Variants in MBTPS2 observed in about 807,000 individuals in gnomAD.
MBTPS2 encodes membrane bound transcription factor peptidase, site 2.
MBTPS2 carries 2 observed loss-of-function variants against 35.4 expected under a neutral mutation model. The ratio of observed to expected loss-of-function variants is 0.06; its 90% confidence interval spans 0.02 to 0.18. The LOEUF (loss-of-function observed/expected upper bound fraction) is 0.18. Among genes scored for constraint, MBTPS2 ranks in the 10% least tolerant of loss-of-function variants. The probability of loss-of-function intolerance (pLI) is 1.00; values close to 1 mark genes in which losing one functional copy is unlikely to be tolerated. For synonymous variants in MBTPS2, 125 were observed against 140.4 expected (o/e 0.89, Z 0.77); for missense variants, 244 against 386.5 (o/e 0.63, Z 3.09).
Position 21,885,302 on chromosome X carries a change from T to A in MBTPS2, c.*2647T>A. The A allele has an allele frequency of 2.7e-6, 2 of 752,650 alleles. No homozygotes were observed. Among genetic ancestry groups the A allele is most frequent in the Non-Finnish European group, 3.1e-6 (2 of 637,704 alleles). 62.0% of individuals were successfully genotyped at this position (752,650 alleles called of 1,213,427 possible). ...CATACTAATGGTGCACAGGTGTTTTTTTCTATAAATCTTCTGACTGTCCTG... is the reference window on the plus strand; with the variant it reads ...CATACTAATGGTGCACAGGTGTTTTATTCTATAAATCTTCTGACTGTCCTG... On this transcript the variant is annotated 3_prime_UTR_variant, in exon 11 of 11. Coordinates refer to ENST00000379484, the MANE Select transcript of MBTPS2 (RefSeq NM_015884.4).
chrX:21,843,302 A>G lies in MBTPS2; in HGVS notation c.208A>G (p.Arg70Gly). The G allele has an allele frequency of 1.7e-6, 2 of 1,211,276 alleles. No homozygotes were observed. Among genetic ancestry groups the G allele is most frequent in the South Asian group, 1.8e-5 (1 of 56,987 alleles). The change falls in exon 2 of 11, where the codon AGG becomes GGG. Residue 70 changes from arginine (R) to glycine (G), a missense_variant. Physicochemically the swap from Arg to Gly is moderately radical, Grantham distance 125. Transcript: ENST00000379484. ...AFYSWGRRKA[R>G]MLYQWFNFGM... ...TTACAGTTGGGGACGGCGGAAAGCA[A>G]GGATGCTTTACCAATGGTATTCTTC...
intron 3 of MBTPS2, among the ~76,000 whole-genome samples, chrX:21,847,006 G>A (rs2092909357): frequency 9.0e-6 from 1 of 111,430 alleles, no homozygotes; most frequent in South Asian, 3.8e-4. Flanking sequence ...CTTTTGGAGT[G>A]GAATTCTCAG....
intron 7 of MBTPS2, chrX:21,870,738 T>C (rs1346541055): frequency 8.9e-6 from 1 of 112,272 alleles, no homozygotes; most frequent in Non-Finnish European, 1.9e-5. Flanking sequence ...AAGTCAGATA[T>C]GTTGCTCTGT....
intron 5 of MBTPS2, among the ~76,000 whole-genome samples, chrX:21,853,834 A>G (rs1039206623): frequency 2.0e-4 from 22 of 111,739 alleles, no homozygotes; most frequent in African/African-American, 7.2e-4. Context: ...AATATGAAGA[A>G]TTGACTAAGA....
chrX:21,847,757 A>G (rs1886653725), intron 3 of MBTPS2, among the ~76,000 whole-genome samples: 1 of 112,158 alleles, frequency 8.9e-6, no homozygotes. Context: ...TTAAGTATGT[A>G]AATTTAGAGA....
chrX:21,868,590 A>G lies in MBTPS2; in HGVS notation c.789+5A>G, dbSNP rs1295433814. 2.7e-6 allele frequency: 3 copies of G among 1,106,805 alleles called. No individual in the cohort carries two copies. Among genetic ancestry groups the G allele is most frequent in the East Asian group, 6.0e-5 (2 of 33,386 alleles). The allele number at this position is 1,106,805 out of a possible 1,213,427, so 91.2% of individuals were successfully genotyped here. A position where few individuals can be genotyped will look rare whatever the true frequency, so the allele number is the denominator to read the frequency against. ...CTCATCACTGAAGTTGCTGAGGTAA[A>G]TAATGGATTACTCAGGGCATTCTTT... On this transcript the variant is annotated splice_donor_5th_base_variant and intron_variant, in intron 6 of 10. Coordinates refer to ENST00000379484, the MANE Select transcript of MBTPS2 (RefSeq NM_015884.4).
Position 21,850,795 on chromosome X carries a change from A to G in MBTPS2, c.439-714A>G, listed in dbSNP as rs1288732057. On this transcript the variant is annotated intron_variant, in intron 3 of 10. Coordinates refer to ENST00000379484, the MANE Select transcript of MBTPS2 (RefSeq NM_015884.4). ...ATGATTGTAAGACAACTCCTGCTTC[A>G]TATGTTTGTAACATGTCTGTAGGTT... is the stretch of plus-strand genomic sequence containing the variant. Among the ~76,000 whole-genome samples the G allele has an allele frequency of 1.3e-4, 14 of 111,946 alleles. No individual in the cohort carries two copies. The East Asian group carries it at 3.4e-3, about 27-fold the overall frequency.
intron 5 of MBTPS2, among the ~76,000 whole-genome samples, chrX:21,867,496 G>A (rs2092941581): frequency 9.0e-6 from 1 of 110,711 alleles, no homozygotes; most frequent in Admixed American, 9.6e-5. Context: ...CAAAAAGAGT[G>A]ATTACTTACA....
rs1195836787 is a variant in MBTPS2, at chrX:21,882,464, A to G, written c.1369A>G (p.Ile457Val). 1.7e-6 allele frequency: 2 copies of G among 1,209,935 alleles called. No individual in the cohort carries two copies. Among genetic ancestry groups the G allele is most frequent in the African/African-American group, 1.7e-5 (1 of 57,294 alleles). Reference sequence around the variant, plus strand: ...GATTTCCCTCTCAGGAGCTCTGGCTATTGTTAATGCAGTACCCTGCTTTGC... The same window carrying G: ...GATTTCCCTCTCAGGAGCTCTGGCTGTTGTTAATGCAGTACCCTGCTTTGC... ...YLISLSGALA[I>V]VNAVPCFALD... The change falls in exon 11 of 11, where the codon ATT becomes GTT. Residue 457 changes from isoleucine (I) to valine (V), a missense_variant. Transcript: ENST00000379484.
At chrX:21,872,541 G>T (rs1325230470) in intron 7 of MBTPS2, 4 of 106,611 alleles carry the variant, frequency 3.8e-5, no homozygotes, top group Non-Finnish European at 7.7e-5. Flanking sequence ...CAGCCCAAGA[G>T]TAATTCTTCA....
intron 8 of MBTPS2, 145 bp from the exon 9 acceptor site, chrX:21,878,352 T>C (rs1354146843): frequency 1.9e-6 from 1 of 529,052 alleles, no homozygotes; most frequent in Non-Finnish European, 3.2e-6. Context: ...CTTGAATCTA[T>C]TTTATAGTAG....
At chrX:21,853,315 A>G (rs1455873482) in intron 4 of MBTPS2, 61 bp from the exon 5 acceptor site, 1 of 865,815 alleles carries the variant, frequency 1.2e-6, no homozygotes, top group Non-Finnish European at 1.7e-6. Context: ...GATTATGTAC[A>G]CTATTAATTT....
intron 5 of MBTPS2, chrX:21,856,684 C>T (rs776472428): frequency 2.5e-6 from 3 of 1,211,805 alleles, no homozygotes; most frequent in Non-Finnish European, 3.3e-6. Context: ...CCGCTCTTCA[C>T]GAACACGGGC....
intron 2 of MBTPS2, among the ~76,000 whole-genome samples, chrX:21,843,836 C>T (rs1025528551): frequency 1.8e-5 from 2 of 111,055 alleles, no homozygotes; most frequent in Admixed American, 9.6e-5. Context: ...TTAATTGGGC[C>T]GGGCGCAGTG....
At chrX:21,865,128 A>G (rs1040672721) in intron 5 of MBTPS2, among the ~76,000 whole-genome samples, 31 of 106,093 alleles carry the variant, frequency 2.9e-4, no homozygotes, top group Admixed American at 2.0e-4. Context: ...AAGAGATACA[A>G]CCACCTCGGC....
intron 1 of MBTPS2, among the ~76,000 whole-genome samples, chrX:21,842,947 C>G (rs1213106305): frequency 8.9e-6 from 1 of 112,186 alleles, no homozygotes; most frequent in South Asian, 3.7e-4. Flanking sequence ...GTCTGTAGTT[C>G]GGATTTGGCC....
In MBTPS2 at chrX:21,843,267, A is replaced by G; in HGVS notation, c.173A>G (p.Asn58Ser). Reference protein sequence around the residue: ...FHIRWQTAVFNRAFYSWGRRK... With the variant: ...FHIRWQTAVFSRAFYSWGRRK... ...ATAAGATGGCAAACTGCTGTTTTCA[A>G]TCGTGCCTTTTACAGTTGGGGACGG... is the stretch of plus-strand genomic sequence containing the variant. Residue 58 changes from asparagine to serine, a missense_variant, in exon 2 of 11, where the codon AAT becomes AGT. Asn to Ser is a conservative substitution (Grantham distance 46). Coordinates refer to ENST00000379484, the MANE Select transcript of MBTPS2 (RefSeq NM_015884.4). The G allele has an allele frequency of 8.3e-7, 1 of 1,211,509 alleles. No individual in the cohort carries two copies. The highest frequency in any genetic ancestry group is 1.1e-6 in the Non-Finnish European group (1 of 895,108).
chrX:21,856,676 G>T, intron 5 of MBTPS2: 1 of 1,211,765 alleles, frequency 8.3e-7, no homozygotes, highest in Non-Finnish European at 1.1e-6. Context: ...TGTTGCAGCC[G>T]CTCTTCACGA....
chrX:21,844,320 C>G (rs983842190), intron 2 of MBTPS2, among the ~76,000 whole-genome samples: 14 of 110,293 alleles, frequency 1.3e-4, no homozygotes, highest in Non-Finnish European at 2.7e-4. Context: ...CGAAACCAGC[C>G]TGGGTAACAT....
Sources: gnomAD v4.1 joint callset for allele counts (sites outside exome capture counted in the v4.1 genomes callset) on GRCh38, gnomAD v4.1.1 for gene constraint, MANE v1.5 for transcripts, NCBI Gene and HGNC (gene_info 2026-07-23, HGNC 2026-07-21) for gene names.